SCN1A: variants seen among roughly 807,000 people sequenced by gnomAD.
SCN1A encodes sodium channel protein type 1 subunit alpha.
Under a neutral mutation model 193.7 loss-of-function variants are expected in SCN1A, and 13 were observed. The ratio of observed to expected loss-of-function variants is 0.07; its 90% confidence interval spans 0.04 to 0.11. The LOEUF (loss-of-function observed/expected upper bound fraction) is 0.11. Ranked by LOEUF, SCN1A falls within the 10% of genes least tolerant of loss-of-function variation. The pLI, the probability that SCN1A is intolerant of heterozygous loss-of-function variation, is 1.00. For synonymous variants in SCN1A, 781 were observed against 843.6 expected, an observed-to-expected ratio of 0.93 and a Z score of 1.29; for missense variants, 1,432 against 2,451.1, an observed-to-expected ratio of 0.58 and a Z score of 8.78.
intron 9 of SCN1A, 83 bp downstream of exon 9, chr2:166,051,636 C>T: frequency 1.8e-6 from 2 of 1,097,418 alleles, no homozygotes; most frequent in Non-Finnish European, 2.6e-6. Flanking sequence ...AATGGGATAT[C>T]CAGCCCCTCA....
At chr2:166,047,348 G>A (rs1202327220) in intron 11 of SCN1A, among the ~76,000 whole-genome samples, 1 of 152,026 alleles carries the variant, frequency 6.6e-6, no homozygotes, top group Non-Finnish European at 1.5e-5. Flanking sequence ...TATTTGAGGG[G>A]GTAGATAGGG....
chr2:166,051,145 G>A (rs1460347233), intron 9 of SCN1A, among the ~76,000 whole-genome samples: 2 of 151,974 alleles, frequency 1.3e-5, no homozygotes. Context: ...CTTTCTAGCT[G>A]AATTCTTCAG....
intron 2 of SCN1A, among the ~76,000 whole-genome samples, chr2:166,113,736 G>A (rs1689553264): frequency 6.6e-6 from 1 of 152,156 alleles, no homozygotes; most frequent in Admixed American, 6.5e-5. Flanking sequence ...TAGGTGCAAG[G>A]TGGGTGGATG....
chr2:166,049,597 C>T (rs1330747306), intron 9 of SCN1A, among the ~76,000 whole-genome samples: 1 of 151,930 alleles, frequency 6.6e-6, no homozygotes, highest in Non-Finnish European at 1.5e-5. Context: ...ACTACATTAT[C>T]TCAAAGATTC....
intron 23 of SCN1A, among the ~76,000 whole-genome samples, chr2:166,003,512 AATT>A (rs1171953981): frequency 6.6e-6 from 1 of 151,422 alleles, no homozygotes; most frequent in Non-Finnish European, 1.5e-5. Flanking sequence ...TTCTGTGTTC[AATT>A]ATTATCTACT....
chr2:166,133,122 C>T (rs76852151), intron 1 of SCN1A, among the ~76,000 whole-genome samples: 3,626 of 152,166 alleles, frequency 0.024, 324 homozygotes, highest in Admixed American at 0.16. Flanking sequence ...ATAGTATAGG[C>T]TTTTCTTAAC....
At chr2:166,041,494 G>C in intron 15 of SCN1A, 25 bp from the exon 16 acceptor site, 1 of 1,177,284 alleles carries the variant, frequency 8.5e-7, no homozygotes, top group Non-Finnish European at 1.2e-6. Context: ...AAAAAAAAAA[G>C]AACCACCAAA....
At chr2:166,069,710 CAG>C (rs1372004608) in intron 4 of SCN1A, among the ~76,000 whole-genome samples, 1 of 152,102 alleles carries the variant, frequency 6.6e-6, no homozygotes, top group Non-Finnish European at 1.5e-5. Context: ...AGAAAGAAAC[CAG>C]AGTCTTTGTA....
intron 1 of SCN1A, among the ~76,000 whole-genome samples, chr2:166,141,493 A>G (rs2106302126): frequency 6.6e-6 from 1 of 152,174 alleles, no homozygotes; most frequent in Non-Finnish European, 1.5e-5. Context: ...GGAGTTCAAG[A>G]CCAGCCTGGG....
chr2:166,053,428 T>C (rs1027774243), intron 7 of SCN1A, among the ~76,000 whole-genome samples: 1 of 152,006 alleles, frequency 6.6e-6, no homozygotes, highest in Admixed American at 6.6e-5. Flanking sequence ...GAAAAAAATA[T>C]ATGAAATCAC....
intron 1 of SCN1A, among the ~76,000 whole-genome samples, chr2:166,144,188 G>T (rs1692210157): frequency 6.6e-6 from 1 of 152,174 alleles, no homozygotes; most frequent in Non-Finnish European, 1.5e-5. Flanking sequence ...GAACTACATA[G>T]CAATAACAAT....
intron 2 of SCN1A, among the ~76,000 whole-genome samples, chr2:166,095,770 A>G (rs1687311750): frequency 1.3e-5 from 2 of 152,194 alleles, no homozygotes; most frequent in African/African-American, 4.8e-5. Flanking sequence ...TTTCCTATTT[A>G]TACATTCCTC....
chr2:166,111,851 G>C (rs1207922099), intron 2 of SCN1A, among the ~76,000 whole-genome samples: 1 of 152,098 alleles, frequency 6.6e-6, no homozygotes. Context: ...CTGTAAATGT[G>C]GCAGAAATAG....
chr2:166,147,694 G>A, intron 1 of SCN1A, among the ~76,000 whole-genome samples: 1 of 152,056 alleles, frequency 6.6e-6, no homozygotes, highest in Non-Finnish European at 1.5e-5. Flanking sequence ...ATAAAATCAG[G>A]CCCCGAGGGA....
Position 166,050,637 on chromosome 2 carries a change from ATG to A in SCN1A, c.964+1080_964+1081del, listed in dbSNP as rs1369596988. 5.6e-3 allele frequency among the ~76,000 whole-genome samples: 430 copies of A among 76,668 alleles called. 5 individuals carry two copies. The highest frequency in any genetic ancestry group is 0.022 in the Middle Eastern group (4 of 184). 50.3% of individuals were successfully genotyped at this position (76,668 alleles called of 152,430 possible). A position where few individuals can be genotyped will look rare whatever the true frequency, so the allele number is the denominator to read the frequency against. ...AGTATATATATATATATATATATAT[ATG>A]TGTGTATATATTTTTTTTTTGTAGA... On this transcript the variant is annotated intron_variant, in intron 9 of 28. Transcript: ENST00000674923.
At chr2:166,104,369 A>C (rs977294484) in intron 2 of SCN1A, 1 of 152,226 alleles carries the variant, frequency 6.6e-6, no homozygotes, top group Admixed American at 6.5e-5. Context: ...AAGAGAGTTC[A>C]TTGACTTACC....
intron 23 of SCN1A, among the ~76,000 whole-genome samples, chr2:166,005,234 G>A (rs1289347947): frequency 6.6e-6 from 1 of 151,346 alleles, no homozygotes; most frequent in Admixed American, 6.6e-5. Flanking sequence ...TTTGAATATA[G>A]GAATAAAATA....
chr2:166,093,924 C>A (rs1687097678), intron 2 of SCN1A, among the ~76,000 whole-genome samples: 1 of 152,140 alleles, frequency 6.6e-6, no homozygotes, highest in Non-Finnish European at 1.5e-5. Context: ...ACCAGAAATT[C>A]AGGCAGCAAG....
chr2:166,097,362 C>T (rs763012004), intron 2 of SCN1A, among the ~76,000 whole-genome samples: 12 of 152,152 alleles, frequency 7.9e-5, no homozygotes, highest in South Asian at 2.1e-4. Flanking sequence ...CACCTTCCTT[C>T]CTAGAAGGGG....
Sources: gnomAD v4.1 joint callset for allele counts (sites outside exome capture counted in the v4.1 genomes callset) on GRCh38, gnomAD v4.1.1 for gene constraint, MANE v1.5 for transcripts, NCBI Gene and HGNC (gene_info 2026-07-23, HGNC 2026-07-21) for gene names.